Variants in KDM4A observed in about 807,000 individuals in gnomAD.
KDM4A encodes the protein lysine-specific demethylase 4A.
Under a neutral mutation model 127.1 loss-of-function variants are expected in KDM4A, and 23 were observed. That is an observed-to-expected ratio of 0.18 (90% CI 0.13 to 0.26). The LOEUF (loss-of-function observed/expected upper bound fraction) is 0.26. Among genes scored for constraint, KDM4A ranks in the 10% least tolerant of loss-of-function variants. KDM4A has a pLI of 1.00. For missense variants in KDM4A, 890 were observed against 1,329.1 expected (o/e 0.67, Z 5.14); for synonymous variants, 443 against 466.5 (o/e 0.95, Z 0.65).
chr1:43,659,366 A>G (rs1393110960), intron 3 of KDM4A, among the ~76,000 whole-genome samples: 1 of 152,082 alleles, frequency 6.6e-6, no homozygotes, highest in Non-Finnish European at 1.5e-5. Flanking sequence ...GCTGGAGTGC[A>G]GTGGCGTTAG....
chr1:43,682,703 C>A (rs971770097), intron 11 of KDM4A, among the ~76,000 whole-genome samples: 3 of 152,158 alleles, frequency 2.0e-5, no homozygotes, highest in Non-Finnish European at 4.4e-5. Flanking sequence ...TGGACATGGC[C>A]TGTTCAGAAG....
intron 14 of KDM4A, 133 bp from the exon 15 acceptor site, chr1:43,691,363 G>T: frequency 1.2e-6 from 1 of 821,338 alleles, no homozygotes; most frequent in South Asian, 1.5e-5. Context: ...TGGGGACTCA[G>T]ACTAAAGAAA....
At chr1:43,665,452 G>A (rs1660479949) in intron 5 of KDM4A, among the ~76,000 whole-genome samples, 1 of 151,812 alleles carries the variant, frequency 6.6e-6, no homozygotes, top group Admixed American at 6.6e-5. Context: ...GGCTCATGGT[G>A]AACACTTAAT....
rs1475684162 is a variant in KDM4A, at chr1:43,693,467, G to C, written c.2376-527G>C. On this transcript the variant is annotated intron_variant, in intron 16 of 21. Coordinates refer to ENST00000372396, the MANE Select transcript of KDM4A (RefSeq NM_014663.3). The surrounding 1 kb of genome is among the most constrained non-coding windows in gnomAD (Gnocchi z 4.2). ...CCGTTGAATAGACCTCTCAGAGTAA[G>C]TGGGGCTTGGGTCAGACCTTAAAGA... Among the ~76,000 whole-genome samples, 1 of 152,222 alleles carries C rather than the reference G, an allele frequency of 6.6e-6. No individual in the cohort carries two copies. Among genetic ancestry groups the C allele is most frequent in the Non-Finnish European group, 1.5e-5 (1 of 68,034 alleles).
At chr1:43,671,459 T>A in intron 10 of KDM4A, 46 bp from the exon 11 acceptor site, 1 of 1,494,276 alleles carries the variant, frequency 6.7e-7, no homozygotes, top group Non-Finnish European at 8.9e-7. Context: ...CAGGTTCACA[T>A]GTGCAGGAGG....
chr1:43,660,235 A>G, intron 3 of KDM4A, 63 bp from the exon 4 acceptor site: 1 of 1,511,840 alleles, frequency 6.6e-7, no homozygotes, highest in East Asian at 2.3e-5. Context: ...ATGTCTTGTA[A>G]TGTTCATAAT....
intron 11 of KDM4A, among the ~76,000 whole-genome samples, chr1:43,678,588 T>G (rs943678035): frequency 3.3e-4 from 23 of 70,478 alleles, no homozygotes; most frequent in South Asian, 3.3e-4. Context: ...TGCAGATAGG[T>G]TTTTTTTTTT....
chr1:43,677,681 G>C (rs1281235222), intron 11 of KDM4A, among the ~76,000 whole-genome samples: 4 of 152,150 alleles, frequency 2.6e-5, no homozygotes, highest in African/African-American at 9.7e-5. Context: ...TTGGAAGATT[G>C]TTCTGGAGGC....
At chr1:43,699,402 G>T (rs1661327846) in intron 19 of KDM4A, among the ~76,000 whole-genome samples, 1 of 152,094 alleles carries the variant, frequency 6.6e-6, no homozygotes, top group Non-Finnish European at 1.5e-5. Context: ...CCTGGCCCTT[G>T]CTGTAATTTA....
At chr1:43,696,547 G>A (rs1661244601) in intron 18 of KDM4A, among the ~76,000 whole-genome samples, 1 of 152,188 alleles carries the variant, frequency 6.6e-6, no homozygotes, top group Admixed American at 6.5e-5. Flanking sequence ...TTAGGAAGAT[G>A]GGAACATATT....
At chr1:43,652,921 C>T (rs1161229691) in intron 1 of KDM4A, among the ~76,000 whole-genome samples, 3 of 152,024 alleles carry the variant, frequency 2.0e-5, no homozygotes, top group Non-Finnish European at 2.9e-5. Flanking sequence ...TGACCTCAGG[C>T]GATGCACCCG....
At chr1:43,692,063 G>A (rs1469697250) in intron 15 of KDM4A, among the ~76,000 whole-genome samples, 193 bp from the exon 16 acceptor site, 1 of 152,202 alleles carries the variant, frequency 6.6e-6, no homozygotes, top group African/African-American at 2.4e-5. Flanking sequence ...TGACTACTTG[G>A]CACACTTTAG....
intron 18 of KDM4A, among the ~76,000 whole-genome samples, chr1:43,696,578 G>T (rs376850129): frequency 6.6e-6 from 1 of 152,190 alleles, no homozygotes; most frequent in African/African-American, 2.4e-5. Flanking sequence ...ATGAGACTCC[G>T]GAGTGTCTCA....
intron 9 of KDM4A, 89 bp downstream of exon 9, chr1:43,668,108 T>C: frequency 6.7e-7 from 1 of 1,501,790 alleles, no homozygotes; most frequent in Non-Finnish European, 9.0e-7. Flanking sequence ...TTCTTGTTTT[T>C]TTTGTTTTGT....
rs532352939 is a variant in KDM4A at position 43,652,610 on chromosome 1, A to G, written c.-39-527A>G. Reference sequence around the variant, plus strand: ...GCGATCTGCCCACCTCAGTCTCCCAAAGTGCTGGGATTACAGGCTTGAGCC... The same window carrying G: ...GCGATCTGCCCACCTCAGTCTCCCAGAGTGCTGGGATTACAGGCTTGAGCC... On this transcript the variant is annotated intron_variant, in intron 1 of 21. Transcript: ENST00000372396. Among the ~76,000 whole-genome samples, 7 of 151,848 alleles carry G rather than the reference A, an allele frequency of 4.6e-5. No homozygotes were observed. The South Asian group carries it at 1.3e-3, about 27-fold the overall frequency.
intron 19 of KDM4A, 150 bp from the exon 20 acceptor site, chr1:43,703,467 C>T (rs1661459868): frequency 1.1e-6 from 1 of 916,928 alleles, no homozygotes; most frequent in African/African-American, 1.7e-5. Flanking sequence ...TTAGCAAGGT[C>T]TTTAACTGTT....
intron 13 of KDM4A, 188 bp from the exon 14 acceptor site, chr1:43,690,657 T>C (rs1317665046): frequency 6.2e-6 from 4 of 645,862 alleles, no homozygotes; most frequent in Non-Finnish European, 1.1e-5. Context: ...ATGATGCTGC[T>C]GTGAGAAACT....
intron 2 of KDM4A, 146 bp from the exon 3 acceptor site, chr1:43,655,444 CT>C: frequency 1.5e-6 from 1 of 666,822 alleles, no homozygotes; most frequent in Non-Finnish European, 2.5e-6. Flanking sequence ...ATGCCTGTGA[CT>C]TACTGTGTTT....
intron 9 of KDM4A, 21 bp downstream of exon 9, chr1:43,668,040 T>C: frequency 6.2e-7 from 1 of 1,612,558 alleles, no homozygotes; most frequent in Non-Finnish European, 8.5e-7. Flanking sequence ...AGCCCTTTTG[T>C]CCTGGCTGCG....
Sources: gnomAD v4.1 joint callset for allele counts (sites outside exome capture counted in the v4.1 genomes callset) on GRCh38, gnomAD v4.1.1 for gene constraint, Gnocchi (gnomAD v3.1) non-coding constraint, MANE v1.5 for transcripts, NCBI Gene and HGNC (gene_info 2026-07-23, HGNC 2026-07-21) for gene names.